The following DENND5A variants were observed in gnomAD, a reference collection of about 807,000 sequenced individuals.
The protein encoded by DENND5A is DENN domain containing 5A.
Under a neutral mutation model 140.3 loss-of-function variants are expected in DENND5A, and 64 were observed. The ratio of observed to expected loss-of-function variants is 0.46; its 90% CI spans 0.37 to 0.56. DENND5A has a LOEUF of 0.56. Among genes scored for constraint, DENND5A ranks in the 20% least tolerant of loss-of-function variants. DENND5A has a pLI of 0.00. For synonymous variants in DENND5A, 605 were observed against 607.7 expected, an observed-to-expected ratio of 1.00 and a Z score of 0.07; for missense variants, 1,292 against 1,593.8, an observed-to-expected ratio of 0.81 and a Z score of 3.22.
intron 1 of DENND5A, among the ~76,000 whole-genome samples, chr11:9,252,417 G>A (rs187769848): frequency 3.3e-5 from 5 of 152,218 alleles, no homozygotes; most frequent in Admixed American, 3.3e-4. Context: ...AGGAGGCAGA[G>A]GTGGGTGGAT....
chr11:9,237,677 G>GGA (rs1484996387), intron 1 of DENND5A, among the ~76,000 whole-genome samples: 2 of 152,142 alleles, frequency 1.3e-5, no homozygotes, highest in African/African-American at 4.8e-5. Context: ...CCTGAGATCA[G>GGA]GAGTTCGAGA....
intron 1 of DENND5A, among the ~76,000 whole-genome samples, chr11:9,259,031 C>T (rs895825885): frequency 6.6e-6 from 1 of 152,094 alleles, no homozygotes; most frequent in Non-Finnish European, 1.5e-5. Flanking sequence ...GAGGCCGAGG[C>T]GGGCAGATCA....
intron 1 of DENND5A, among the ~76,000 whole-genome samples, chr11:9,251,314 C>A (rs1385779250): frequency 6.6e-6 from 1 of 151,946 alleles, no homozygotes. Flanking sequence ...CACAGATGGC[C>A]AAGCAAAATT....
intron 1 of DENND5A, among the ~76,000 whole-genome samples, chr11:9,227,213 C>CATAAATAAATAAATAAAT (rs1564926935): frequency 2.4e-5 from 3 of 126,794 alleles, no homozygotes; most frequent in African/African-American, 1.0e-4. Flanking sequence ...AATAAATAAG[C>CATAAATAAATAAATAAAT]AAGCAAGCAC....
At chr11:9,263,295 A>C (rs1852288657) in intron 1 of DENND5A, among the ~76,000 whole-genome samples, 1 of 150,828 alleles carries the variant, frequency 6.6e-6, no homozygotes, top group Non-Finnish European at 1.5e-5. Flanking sequence ...ATCTCAGCTC[A>C]CTGCAACCTC....
Position 9,265,124 on chromosome 11 carries a change from C to T in DENND5A, c.-55G>A. The T allele has an allele frequency of 9.3e-7, 1 of 1,077,810 alleles. No individual in the cohort carries two copies. The highest frequency in any genetic ancestry group is 1.1e-6 in the Non-Finnish European group (1 of 870,840). 66.8% of individuals were successfully genotyped at this position (1,077,810 alleles called of 1,614,324 possible). On this transcript the variant is annotated 5_prime_UTR_variant, in exon 1 of 23. Coordinates refer to ENST00000328194, the MANE Select transcript of DENND5A (RefSeq NM_015213.4). This position sits in a 1 kb window ranked among gnomAD's most constrained non-coding sequence, Gnocchi z 4.7. Reference sequence around the variant, plus strand: ...GCGGAGCGGCACCGAGCCCCCGCAACCCGGGCGCCCGCCCGTCCGCCCTCA... The same window carrying T: ...GCGGAGCGGCACCGAGCCCCCGCAATCCGGGCGCCCGCCCGTCCGCCCTCA...
chr11:9,207,553 G>T lies in DENND5A; in HGVS notation c.181+8C>A. 6.2e-7 allele frequency: 1 copy of T among 1,609,512 alleles called. No individual in the cohort carries two copies. Among genetic ancestry groups the T allele is most frequent in the Non-Finnish European group, 8.5e-7 (1 of 1,176,378 alleles). ...CTTTGGGTGTTCTCAATTTTGTTTT[G>T]TTTTTACCTTCAGTCGTACTTGAAA... On this transcript the variant is annotated splice_region_variant and intron_variant, in intron 2 of 22. Coordinates refer to ENST00000328194, the MANE Select transcript of DENND5A (RefSeq NM_015213.4).
chr11:9,197,160 C>G (rs2136201335), intron 4 of DENND5A, among the ~76,000 whole-genome samples: 1 of 151,166 alleles, frequency 6.6e-6, no homozygotes, highest in South Asian at 2.1e-4. Context: ...CAAAAATTAG[C>G]TGGGTATGGT....
intron 1 of DENND5A, among the ~76,000 whole-genome samples, chr11:9,236,526 C>A (rs1188714948): frequency 1.3e-5 from 2 of 151,416 alleles, no homozygotes; most frequent in Admixed American, 6.6e-5. Flanking sequence ...GAGCAAAACA[C>A]CACCTCAAAA....
chr11:9,182,161 C>T (rs1848753225), intron 5 of DENND5A, among the ~76,000 whole-genome samples: 1 of 152,010 alleles, frequency 6.6e-6, no homozygotes, highest in Non-Finnish European at 1.5e-5. Flanking sequence ...GCTAAAAGTA[C>T]AAAAAGTAGC....
chr11:9,181,152 G>A (rs1848718096), intron 5 of DENND5A, 68 bp from the exon 6 acceptor site: 1 of 1,459,548 alleles, frequency 6.9e-7, no homozygotes, highest in South Asian at 1.4e-5. Flanking sequence ...TTTTAGAAAG[G>A]TTAGTGAACA....
chr11:9,175,366 G>A (rs1032763123), intron 8 of DENND5A: 2 of 152,100 alleles, frequency 1.3e-5, no homozygotes, highest in East Asian at 1.9e-4. Flanking sequence ...CTAAATAAAT[G>A]GAAAGATATG....
chr11:9,197,489 A>G (rs1245011004), intron 4 of DENND5A, among the ~76,000 whole-genome samples: 2 of 151,218 alleles, frequency 1.3e-5, no homozygotes, highest in Non-Finnish European at 2.9e-5. Flanking sequence ...TGAGGTCAGG[A>G]GTTTGAGACC....
intron 12 of DENND5A, among the ~76,000 whole-genome samples, chr11:9,153,331 T>A (rs1379379733): frequency 9.7e-6 from 1 of 102,694 alleles, no homozygotes; most frequent in Non-Finnish European, 1.8e-5. Context: ...GGTGACAGAA[T>A]GAGGCTCCCT....
In DENND5A at chr11:9,140,250, T is replaced by A. The variant is rs988849395; in HGVS notation, c.3681-396A>T. 7.0e-6 allele frequency: 9 copies of A among 1,286,510 alleles called. 1 individual carries two copies. The highest frequency in any genetic ancestry group is 2.3e-5 in the Admixed American group (1 of 43,884). 79.7% of individuals were successfully genotyped at this position (1,286,510 alleles called of 1,614,324 possible). On this transcript the variant is annotated intron_variant, in intron 22 of 22. Transcript: ENST00000328194. ...AGAGATTTAATCTTCATGATAACCC[T>A]GTGATATGAGGTAGGTACTATTATT...
intron 19 of DENND5A, 25 bp from the exon 20 acceptor site, chr11:9,143,510 C>T (rs781079149): frequency 9.5e-6 from 15 of 1,586,136 alleles, no homozygotes; most frequent in Non-Finnish European, 1.1e-5. Flanking sequence ...GCAGACATCC[C>T]TAACCAATCT....
intron 1 of DENND5A, among the ~76,000 whole-genome samples, chr11:9,212,848 G>A (rs1293356232): frequency 2.0e-5 from 3 of 152,038 alleles, no homozygotes; most frequent in African/African-American, 7.2e-5. Flanking sequence ...ATAAAATTAG[G>A]GAAACAAAGA....
At chr11:9,222,752 T>C (rs1369976709) in intron 1 of DENND5A, among the ~76,000 whole-genome samples, 1 of 152,172 alleles carries the variant, frequency 6.6e-6, no homozygotes, top group African/African-American at 2.4e-5. Context: ...ATATGGCATA[T>C]AGGCTAGATA....
At chr11:9,197,982 T>A (rs1590264102) in intron 4 of DENND5A, among the ~76,000 whole-genome samples, 1 of 152,298 alleles carries the variant, frequency 6.6e-6, no homozygotes, top group East Asian at 1.9e-4. Flanking sequence ...ACCGATTGAT[T>A]TTCCCCACTC....
Sources: gnomAD v4.1 joint callset for allele counts (sites outside exome capture counted in the v4.1 genomes callset) on GRCh38, gnomAD v4.1.1 for gene constraint, Gnocchi (gnomAD v3.1) non-coding constraint, MANE v1.5 for transcripts, NCBI Gene and HGNC (gene_info 2026-07-23, HGNC 2026-07-21) for gene names.